TNRC18: variants seen among roughly 807,000 people sequenced by gnomAD.
TNRC18 encodes the protein trinucleotide repeat-containing gene 18 protein.
A neutral mutation model predicts 226.7 loss-of-function variants in TNRC18; 69 were observed. The ratio of observed to expected loss-of-function variants is 0.30; its 90% CI spans 0.25 to 0.37. The LOEUF (loss-of-function observed/expected upper bound fraction) is 0.37, where lower values mean the gene tolerates loss of function less well. Among genes scored for constraint, TNRC18 ranks in the 10% least tolerant of loss-of-function variants. The pLI, the probability that TNRC18 is intolerant of heterozygous loss-of-function variation, is 1.00. For synonymous variants in TNRC18, 2,449 were observed against 1,927.6 expected, an observed-to-expected ratio of 1.27 and a Z score of -7.09; for missense variants, 4,754 against 4,256.6, an observed-to-expected ratio of 1.12 and a Z score of -3.25.
At chr7:5,370,280 G>GC in intron 11 of TNRC18, 95 bp downstream of exon 11, 2 of 1,373,694 alleles carry the variant, frequency 1.5e-6, no homozygotes, top group Non-Finnish European at 1.9e-6. Context: ...CTAAGATTGT[G>GC]CCACTGCACT....
chr7:5,387,922 C>A lies in TNRC18; in HGVS notation c.1902G>T (p.Gln634His). Residue 634 changes from glutamine to histidine, a missense_variant, in exon 5 of 30, where the codon CAG (glutamine) becomes CAT (histidine). Physicochemically the swap from Gln to His is conservative, Grantham distance 24. Transcript: ENST00000430969. ...APTSAGASRAQARLPHSGGPA... is the reference protein window; with the variant it reads ...APTSAGASRAHARLPHSGGPA... ...GGCCTCCGGAGTGTGGGAGACGGGC[C>A]TGGGCTCGGGAGGCACCCGCAGAGG... The A allele has an allele frequency of 1.3e-6, 2 of 1,595,456 alleles. No homozygotes were observed. The highest frequency in any genetic ancestry group is 2.2e-5 in the South Asian group (2 of 88,964).
At position 5,377,011 on chromosome 7, in the gene TNRC18, G is replaced by T; in HGVS notation, c.2462-18C>A. Reference sequence around the variant, plus strand: ...ACCCAAGCCTAGGAGGAGAAGCCCAGGCCTGAGTCAGTGCTGGGAGCCCCC... The same window carrying T: ...ACCCAAGCCTAGGAGGAGAAGCCCATGCCTGAGTCAGTGCTGGGAGCCCCC... On this transcript the variant is annotated intron_variant, in intron 7 of 29. Coordinates refer to ENST00000430969, the MANE Select transcript of TNRC18 (RefSeq NM_001080495.3). This position sits in a 1 kb window ranked among gnomAD's most constrained non-coding sequence, Gnocchi z 5.8. 6.4e-7 allele frequency: 1 copy of T among 1,564,920 alleles called. No homozygotes were observed. Among genetic ancestry groups the T allele is most frequent in the South Asian group, 1.2e-5 (1 of 85,080 alleles).
intron 21 of TNRC18, among the ~76,000 whole-genome samples, chr7:5,323,235 T>A (rs1788557394): frequency 6.6e-6 from 1 of 152,086 alleles, no homozygotes. Context: ...GCCTCTGGGC[T>A]ACAGACCCCT....
In TNRC18 at chr7:5,361,618, C is replaced by A; in HGVS notation, c.4637G>T (p.Gly1546Val). The change falls in exon 14 of 30, where the codon GGG becomes GTG. Residue 1546 changes from glycine (G) to valine (V), a missense_variant. Coordinates refer to ENST00000430969, the MANE Select transcript of TNRC18 (RefSeq NM_001080495.3). ...PSALSPPRKR[G>V]KSGHSSGKLS... ...CTTTCCGCTACTGTGGCCGCTCTTC[C>A]CTCTCTTGCGGGGGGGCGACAGGGC... 6.5e-7 allele frequency: 1 copy of A among 1,543,930 alleles called. No individual in the cohort carries two copies. Among genetic ancestry groups the A allele is most frequent in the East Asian group, 2.5e-5 (1 of 40,328 alleles).
At chr7:5,384,797 AG>A (rs1216071569) in intron 5 of TNRC18, among the ~76,000 whole-genome samples, 4 of 152,242 alleles carry the variant, frequency 2.6e-5, no homozygotes, top group Non-Finnish European at 5.9e-5. Flanking sequence ...AGAATAAGGC[AG>A]GTTCTCATGC....
chr7:5,336,894 G>C (rs1016466560), intron 18 of TNRC18, among the ~76,000 whole-genome samples: 5 of 152,200 alleles, frequency 3.3e-5, no homozygotes, highest in African/African-American at 1.2e-4. Context: ...TCAGAGACCT[G>C]TCAGATAACA....
rs530826411 is a variant in TNRC18, at chr7:5,391,447, G to A, written c.344-819C>T. On this transcript the variant is annotated intron_variant, in intron 3 of 29. Coordinates refer to ENST00000430969, the MANE Select transcript of TNRC18 (RefSeq NM_001080495.3). ...CTGCCACAGCCTCCTGAGGAGCTGG[G>A]ATTACAGGCGCCTGCTACCACACCC... Among the ~76,000 whole-genome samples, 16 of 151,960 alleles carry A rather than the reference G, an allele frequency of 1.1e-4. No individual in the cohort carries two copies. In the South Asian group the frequency reaches 3.3e-3, roughly 32 times the overall value.
intron 3 of TNRC18, among the ~76,000 whole-genome samples, chr7:5,393,524 G>C (rs1780448893): frequency 6.6e-6 from 1 of 152,200 alleles, no homozygotes; most frequent in Non-Finnish European, 1.5e-5. Flanking sequence ...AGAGTGGCTG[G>C]GGAGGGCCGG....
rs1426291814 is a variant in TNRC18 at position 5,308,855 on chromosome 7, C to G, written c.8700+20G>C. On this transcript the variant is annotated intron_variant, in intron 29 of 29. Transcript: ENST00000430969. ...GCAGCCATCCCCAACCCGCCCACCA[C>G]CACCACCACCACCACCTACCTCCAT... The G allele has an allele frequency of 1.9e-6, 3 of 1,546,280 alleles. No homozygotes were observed. The highest frequency in any genetic ancestry group is 2.4e-5 in the East Asian group (1 of 41,994).
chr7:5,314,583 T>A (rs920220068), intron 26 of TNRC18, among the ~76,000 whole-genome samples: 1 of 127,692 alleles, frequency 7.8e-6, no homozygotes, highest in African/African-American at 2.8e-5. Context: ...TTTTTTTTTT[T>A]TTTTTTGAGA....
chr7:5,405,157 G>T (rs1781381507), intron 2 of TNRC18, among the ~76,000 whole-genome samples: 1 of 151,866 alleles, frequency 6.6e-6, no homozygotes, highest in East Asian at 1.9e-4. Flanking sequence ...GCTGGGCACA[G>T]TGGCTCACAC....
Position 5,308,089 on chromosome 7 carries a change from C to G in TNRC18, c.*17G>C, listed in dbSNP as rs370935485. On this transcript the variant is annotated 3_prime_UTR_variant, in exon 30 of 30. Coordinates refer to ENST00000430969, the MANE Select transcript of TNRC18 (RefSeq NM_001080495.3). ...GGCCGCCCTCGGGGCACAGGTGGCC[C>G]GCAGGGCCCGGCGGGCTCAGCAGAG... 2 of 1,543,806 alleles carry G rather than the reference C, an allele frequency of 1.3e-6. No individual in the cohort carries two copies. The highest frequency in any genetic ancestry group is 8.8e-7 in the Non-Finnish European group (1 of 1,142,832).
intron 2 of TNRC18, among the ~76,000 whole-genome samples, chr7:5,397,992 C>G (rs773452233): frequency 6.6e-6 from 1 of 152,026 alleles, no homozygotes; most frequent in Non-Finnish European, 1.5e-5. Flanking sequence ...CCCAATTGCA[C>G]GAGTGTTGTT....
chr7:5,384,816 C>T (rs888280394), intron 5 of TNRC18, among the ~76,000 whole-genome samples: 1 of 152,234 alleles, frequency 6.6e-6, no homozygotes, highest in African/African-American at 2.4e-5. Context: ...TGCAAAGCCC[C>T]AGGGTCAGAG....
intron 26 of TNRC18, among the ~76,000 whole-genome samples, chr7:5,314,734 A>G (rs1263813835): frequency 5.3e-5 from 8 of 151,868 alleles, no homozygotes; most frequent in Admixed American, 4.6e-4. Context: ...CACCATGCCC[A>G]GCTAATTTTT....
chr7:5,312,965 A>AGAG lies in TNRC18; in HGVS notation c.7923_7925dup (p.Ser2671dup), dbSNP rs745768175. 127 of 1,110,744 alleles carry AGAG rather than the reference A, an allele frequency of 1.1e-4. No individual in the cohort carries two copies. In the African/African-American group the frequency reaches 1.7e-3, roughly 15 times the overall value. The allele number at this position is 1,110,744 out of a possible 1,614,324, so 68.8% of individuals were successfully genotyped here. ...AGGAAGAGGAGGAAGACGAAGAGGA[A>AGAG]GAGGAGGAGGAGGAAGAGGAGGAGG... On this transcript the variant is annotated inframe_insertion, in exon 27 of 30. Transcript: ENST00000430969. This position sits in a 1 kb window ranked among gnomAD's most constrained non-coding sequence, Gnocchi z 6.3.
rs1779996954 is a variant in TNRC18 at position 5,388,504 on chromosome 7, G to A, written c.1320C>T (p.Pro440=). The change falls in exon 5 of 30, where the codon CCC becomes CCT. Residue 440 remains proline (P), a synonymous_variant. Coordinates refer to ENST00000430969, the MANE Select transcript of TNRC18 (RefSeq NM_001080495.3). ...CCCGCACCGTGGGGGCATCCGCGGG[G>A]GGCGGCCGCTTGAGCGAGCGGATGA... ...NSVIRSLKRP[P]PADAPTVRAT... is the part of the protein sequence containing the mutation. The A allele has an allele frequency of 1.4e-5, 19 of 1,334,344 alleles. No individual in the cohort carries two copies. Among genetic ancestry groups the A allele is most frequent in the Non-Finnish European group, 1.8e-5 (19 of 1,047,682 alleles). The allele number at this position is 1,334,344 out of a possible 1,614,324, so 82.7% of individuals were successfully genotyped here.
intron 24 of TNRC18, among the ~76,000 whole-genome samples, chr7:5,318,021 G>A (rs1385210719): frequency 6.6e-6 from 1 of 151,920 alleles, no homozygotes; most frequent in African/African-American, 2.4e-5. Flanking sequence ...ACAGGCACCC[G>A]CCACCACGCC....
In TNRC18 at chr7:5,394,351, C is replaced by T. The variant is rs1780508424; in HGVS notation, c.343+89G>A. On this transcript the variant is annotated intron_variant, in intron 3 of 29. Transcript: ENST00000430969. This position sits in a 1 kb window ranked among gnomAD's most constrained non-coding sequence, Gnocchi z 4.5. ...CTGGGACCCACCAGCCCCAGCTCAGCGATGACAACAGAGGGGCACATGAAG... is the reference window on the plus strand; with the variant it reads ...CTGGGACCCACCAGCCCCAGCTCAGTGATGACAACAGAGGGGCACATGAAG... 1.6e-6 allele frequency: 2 copies of T among 1,288,376 alleles called. No homozygotes were observed. The highest frequency in any genetic ancestry group is 1.7e-5 in the South Asian group (1 of 60,476). 79.8% of individuals were successfully genotyped at this position (1,288,376 alleles called of 1,614,324 possible). A position where few individuals can be genotyped will look rare whatever the true frequency, so the allele number is the denominator to read the frequency against.
Sources: allele counts gnomAD v4.1 joint callset (sites outside exome capture counted in the v4.1 genomes callset), GRCh38; gene constraint gnomAD v4.1.1; non-coding constraint Gnocchi (gnomAD v3.1); transcripts MANE v1.5; gene names NCBI Gene and HGNC (gene_info 2026-07-23, HGNC 2026-07-21).